The following ZBTB38 variants were observed in gnomAD, a reference collection of about 807,000 sequenced individuals.
The protein encoded by ZBTB38 is zinc finger and BTB domain containing 38.
Under a neutral mutation model 76.8 loss-of-function variants are expected in ZBTB38, and 20 were observed. The observed-to-expected ratio is 0.26, with a 90% CI of 0.18 to 0.38. The LOEUF (loss-of-function observed/expected upper bound fraction) is 0.38. ZBTB38 is among the 10% of genes least tolerant of loss of function. ZBTB38 has a pLI of 1.00. For missense variants in ZBTB38, 1,082 were observed against 1,482.3 expected (o/e 0.73, Z 4.43); for synonymous variants, 504 against 544.2 (o/e 0.93, Z 1.03).
rs936490459 is a variant in ZBTB38 at position 141,449,422 on chromosome 3, T to C, written c.*3446T>C. On this transcript the variant is annotated 3_prime_UTR_variant, in exon 6 of 6. Transcript: ENST00000321464. Reference sequence around the variant, plus strand: ...ACTTTTTTAAGGATATGGAGTAAAATTGTAATAGCATTATAAGCTGGTAAT... The same window carrying C: ...ACTTTTTTAAGGATATGGAGTAAAACTGTAATAGCATTATAAGCTGGTAAT... The C allele has an allele frequency of 6.6e-6, 1 of 152,110 alleles. No homozygotes were observed. The highest frequency in any genetic ancestry group is 1.5e-5 in the Non-Finnish European group (1 of 68,016). 9.4% of individuals were successfully genotyped at this position (152,110 alleles called of 1,614,324 possible).
At chr3:141,385,155 T>C (rs977742458) in intron 3 of ZBTB38, among the ~76,000 whole-genome samples, 17 of 152,180 alleles carry the variant, frequency 1.1e-4, no homozygotes, top group Admixed American at 7.2e-4. Context: ...GCTGGAAAAC[T>C]AGCAACCCCA....
At chr3:141,376,885 G>A (rs181652389) in intron 2 of ZBTB38, among the ~76,000 whole-genome samples, 5 of 152,298 alleles carry the variant, frequency 3.3e-5, no homozygotes, top group Admixed American at 3.3e-4. Flanking sequence ...TTGTTCAGTG[G>A]GTCCCAAGAT....
At chr3:141,368,320 G>C (rs373095902), upstream of ZBTB38, 1 of 152,798 alleles carries the variant, frequency 6.5e-6, no homozygotes, top group East Asian at 1.9e-4. Flanking sequence ...CGGCAGGAAT[G>C]TTCTCCTGGC....
At chr3:141,392,318 T>G (rs533546254) in intron 4 of ZBTB38, among the ~76,000 whole-genome samples, 6 of 152,200 alleles carry the variant, frequency 3.9e-5, no homozygotes, top group Non-Finnish European at 7.3e-5. Flanking sequence ...TTCAGTTTAC[T>G]TCTTTGAGCA....
chr3:141,355,935 C>A (rs368484866), intron 1 of ZBTB38, among the ~76,000 whole-genome samples: 28 of 152,142 alleles, frequency 1.8e-4, no homozygotes, highest in Non-Finnish European at 3.7e-4. Flanking sequence ...CAGCCCAAGA[C>A]ACAAAATTCA....
At position 141,446,131 on chromosome 3, in the gene ZBTB38, A is replaced by C; in HGVS notation, c.*155A>C. The C allele has an allele frequency of 4.3e-6, 3 of 703,982 alleles. No homozygotes were observed. The highest frequency in any genetic ancestry group is 6.4e-6 in the Non-Finnish European group (3 of 471,110). The allele number at this position is 703,982 out of a possible 1,614,324, so 43.6% of individuals were successfully genotyped here. A position where few individuals can be genotyped will look rare whatever the true frequency, so the allele number is the denominator to read the frequency against. On this transcript the variant is annotated 3_prime_UTR_variant, in exon 6 of 6. Coordinates refer to ENST00000321464, the MANE Select transcript of ZBTB38 (RefSeq NM_001376113.1). ...TGAAAATTCCAGAAAAAGGATCCTA[A>C]TATCTACTTTGGGTTTTAGCATTAA...
Position 141,430,807 on chromosome 3 carries a change from G to C in ZBTB38, c.1-11582G>C, listed in dbSNP as rs187055909. Reference sequence around the variant, plus strand: ...GCCAGAATGTAAACGGCTCTTCCCTGTGCCGTCCCCCAGAGGTAGCAATCA... The same window carrying C: ...GCCAGAATGTAAACGGCTCTTCCCTCTGCCGTCCCCCAGAGGTAGCAATCA... On this transcript the variant is annotated intron_variant, in intron 5 of 5. Coordinates refer to ENST00000321464, the MANE Select transcript of ZBTB38 (RefSeq NM_001376113.1). Among the ~76,000 whole-genome samples the C allele has an allele frequency of 4.7e-3, 721 of 152,256 alleles. 4 individuals are homozygous for C. Among genetic ancestry groups the C allele is most frequent in the Non-Finnish European group, 8.0e-3 (543 of 68,028 alleles).
At chr3:141,371,962 G>T (rs1944675722) in intron 2 of ZBTB38, among the ~76,000 whole-genome samples, 1 of 152,172 alleles carries the variant, frequency 6.6e-6, no homozygotes, top group Non-Finnish European at 1.5e-5. Context: ...TGAGGTGCCT[G>T]GTACCTAGTT....
chr3:141,433,804 T>C (rs369616181), intron 5 of ZBTB38, among the ~76,000 whole-genome samples: 117 of 152,294 alleles, frequency 7.7e-4, no homozygotes, highest in African/African-American at 2.6e-3. Flanking sequence ...AAATAGGTAG[T>C]TGGAAAGGGA....
chr3:141,412,711 C>G (rs1454955949), intron 5 of ZBTB38, among the ~76,000 whole-genome samples: 1 of 152,066 alleles, frequency 6.6e-6, no homozygotes, highest in Non-Finnish European at 1.5e-5. Flanking sequence ...CCTTCTGTTT[C>G]TATTACCTTT....
In ZBTB38 at chr3:141,443,463, G is replaced by C; in HGVS notation, c.1075G>C (p.Ala359Pro). 6.2e-7 allele frequency: 1 copy of C among 1,614,196 alleles called. No homozygotes were observed. The highest frequency in any genetic ancestry group is 8.5e-7 in the Non-Finnish European group (1 of 1,180,034). ...CTTTGACAGCAGCACTCTGCTCAGT[G>C]CCCACATGCAGCTTCACAAGCCAAC... ...KAFDSSTLLSAHMQLHKPTQE... is the reference protein window; with the variant it reads ...KAFDSSTLLSPHMQLHKPTQE... The change falls in exon 6 of 6, where the codon GCC becomes CCC. Residue 359 changes from alanine (A) to proline (P), a missense_variant. By Grantham distance (27) the Ala-to-Pro change is conservative. Around this residue, in one of 8 missense-constraint regions of ZBTB38, gnomAD observed 324 missense variants for 359.1 expected, o/e 0.90. Transcript: ENST00000321464. The surrounding 1 kb of genome is among the most constrained non-coding windows in gnomAD (Gnocchi z 5.6).
chr3:141,341,881 G>A (rs1231197209), intron 1 of ZBTB38, among the ~76,000 whole-genome samples: 1 of 152,160 alleles, frequency 6.6e-6, no homozygotes, highest in Non-Finnish European at 1.5e-5. Flanking sequence ...CAGATTTGTT[G>A]TTAATTTTCT....
At chr3:141,405,280 G>A (rs895059198) in intron 5 of ZBTB38, among the ~76,000 whole-genome samples, 11 of 152,186 alleles carry the variant, frequency 7.2e-5, no homozygotes, top group African/African-American at 2.2e-4. Context: ...TCAGCTCCAC[G>A]GATGTTGGAG....
rs907682338 is a variant in ZBTB38 at position 141,443,105 on chromosome 3, A to G, written c.717A>G (p.Glu239=). Residue 239 remains glutamate (E), a synonymous_variant, in exon 6 of 6, where the codon GAA becomes GAG. Transcript: ENST00000321464. The surrounding 1 kb of genome is among the most constrained non-coding windows in gnomAD (Gnocchi z 5.6). ...AEAYRSQPVR[E]HDGSSPGNTG... ...CTTACAGAAGTCAGCCTGTACGTGA[A>G]CATGATGGCAGTTCACCTGGTAACA... 3 of 1,614,240 alleles carry G rather than the reference A, an allele frequency of 1.9e-6. No homozygotes were observed. In the East Asian group the frequency reaches 6.7e-5, roughly 36 times the overall value.
rs115470548 is a variant in ZBTB38 at position 141,411,973 on chromosome 3, G to A, written c.-1+7942G>A. Among the ~76,000 whole-genome samples the A allele has an allele frequency of 3.4e-3, 510 of 152,184 alleles. 2 individuals carry two copies. Among genetic ancestry groups the A allele is most frequent in the African/African-American group, 0.011 (449 of 41,526 alleles). On this transcript the variant is annotated intron_variant, in intron 5 of 5. Transcript: ENST00000321464. Reference sequence around the variant, plus strand: ...AGAGTTTCTTTTCTATTTATAATGCGTTTCTGATAAGAAGATTTGCACCTT... The same window carrying A: ...AGAGTTTCTTTTCTATTTATAATGCATTTCTGATAAGAAGATTTGCACCTT...
intron 1 of ZBTB38, among the ~76,000 whole-genome samples, chr3:141,330,406 T>G (rs1942813082): frequency 6.6e-6 from 1 of 152,218 alleles, no homozygotes; most frequent in Non-Finnish European, 1.5e-5. Flanking sequence ...CAGAAAGCCT[T>G]CCTCCACTGA....
intron 1 of ZBTB38, among the ~76,000 whole-genome samples, chr3:141,342,211 G>A (rs1943217734): frequency 6.6e-6 from 1 of 151,968 alleles, no homozygotes; most frequent in South Asian, 2.1e-4. Context: ...TATAGTCCCG[G>A]CTACTCAGGA....
chr3:141,375,373 G>T (rs1303745904), intron 2 of ZBTB38, among the ~76,000 whole-genome samples: 1 of 152,172 alleles, frequency 6.6e-6, no homozygotes, highest in Non-Finnish European at 1.5e-5. Context: ...AGGCGCCAAT[G>T]AGAAGATTCA....
intron 1 of ZBTB38, among the ~76,000 whole-genome samples, chr3:141,339,392 T>C (rs1209264866): frequency 2.6e-5 from 4 of 152,176 alleles, no homozygotes; most frequent in African/African-American, 4.8e-5. Context: ...TTTAAGTTTT[T>C]AGAGAATCAT....
Sources: allele counts gnomAD v4.1 joint callset (sites outside exome capture counted in the v4.1 genomes callset), GRCh38; gene constraint gnomAD v4.1.1; regional missense constraint gnomAD v4.1.1; non-coding constraint Gnocchi (gnomAD v3.1); transcripts MANE v1.5; gene names NCBI Gene and HGNC (gene_info 2026-07-23, HGNC 2026-07-21).